C4orf36: variants seen among roughly 807,000 people sequenced by gnomAD.
C4orf36 encodes the protein chromosome 4 open reading frame 36, also known as uncharacterized protein C4orf36.
In C4orf36, 11 loss-of-function variants were observed where a neutral mutation model predicts 12.2. The observed-to-expected ratio is 0.90, with a 90% CI of 0.57 to 1.49. The LOEUF (loss-of-function observed/expected upper bound fraction) is 1.49, where lower values mean the gene tolerates loss of function less well. Ranked by LOEUF, C4orf36 falls within the 40% of genes most tolerant of loss-of-function variation. C4orf36 has a pLI of 0.00. For synonymous variants in C4orf36, 54 were observed against 51.3 expected, an observed-to-expected ratio of 1.05 and a Z score of -0.22; for missense variants, 137 against 133.9, an observed-to-expected ratio of 1.02 and a Z score of -0.11.
chr4:86,928,074 GGCAGTT>G, the C4orf36 span, among the ~76,000 whole-genome samples: 1 of 152,200 alleles, frequency 6.6e-6, no homozygotes, highest in East Asian at 1.9e-4. Flanking sequence ...TGTGACGTTA[GGCAGTT>G]GCTCAATCTT....
chr4:86,882,017 T>C (rs1747065044), intron 4 of C4orf36, among the ~76,000 whole-genome samples: 1 of 152,230 alleles, frequency 6.6e-6, no homozygotes, highest in African/African-American at 2.4e-5. Flanking sequence ...TGAGTGCCTA[T>C]ATGAGTTATG....
At chr4:86,895,546 T>G (rs1937960649), upstream of C4orf36, among the ~76,000 whole-genome samples, 1 of 152,228 alleles carries the variant, frequency 6.6e-6, no homozygotes, top group Admixed American at 6.5e-5. Flanking sequence ...CCAGGACGAC[T>G]TAAGATCCTT....
intron 4 of C4orf36, among the ~76,000 whole-genome samples, chr4:86,885,338 T>A (rs1330595499): frequency 6.6e-6 from 1 of 152,168 alleles, no homozygotes; most frequent in African/African-American, 2.4e-5. Flanking sequence ...GAGCATGGAA[T>A]GTTCTTCCAT....
At position 86,891,583 on chromosome 4, in the gene C4orf36, G is replaced by C. The variant is rs901293910; in HGVS notation, c.-63C>G. The C allele has an allele frequency of 5.0e-6, 8 of 1,609,160 alleles. No individual in the cohort carries two copies. In the African/African-American group the frequency reaches 9.4e-5, roughly 19 times the overall value. On this transcript the variant is annotated 5_prime_UTR_variant, in exon 2 of 5. Transcript: ENST00000295898. ...CTGATGGAATGTCACAGATAACTCT[G>C]TTCACTTTACCTGAAATGATGGCAA...
the C4orf36 span, among the ~76,000 whole-genome samples, chr4:86,906,499 A>T: frequency 6.6e-6 from 1 of 152,084 alleles, no homozygotes; most frequent in Admixed American, 6.6e-5. Flanking sequence ...AGGCCAAGGC[A>T]GGCAGATTGC....
the C4orf36 span, among the ~76,000 whole-genome samples, chr4:86,903,653 GAAGACAACCC>G: frequency 6.6e-6 from 1 of 152,112 alleles, no homozygotes; most frequent in Non-Finnish European, 1.5e-5. Context: ...CCATACCATC[GAAGACAACCC>G]AAGCAAGTTG....
chr4:86,884,272 G>T (rs1405462974), intron 4 of C4orf36, among the ~76,000 whole-genome samples: 4 of 146,456 alleles, frequency 2.7e-5, no homozygotes, highest in African/African-American at 1.0e-4. Flanking sequence ...TAGAAAATAA[G>T]AAATTAGGCA....
At chr4:86,924,437 G>A in the C4orf36 span, among the ~76,000 whole-genome samples, 1 of 152,202 alleles carries the variant, frequency 6.6e-6, no homozygotes, top group Non-Finnish European at 1.5e-5. Context: ...CTATCCTCAA[G>A]TGATCCACCC....
intron 4 of C4orf36, among the ~76,000 whole-genome samples, chr4:86,877,746 C>T (rs941084773): frequency 2.0e-5 from 3 of 152,146 alleles, no homozygotes; most frequent in African/African-American, 4.8e-5. Flanking sequence ...CAGCAACCAC[C>T]AGACACAACT....
chr4:86,878,787 G>A (rs11935015), intron 4 of C4orf36, among the ~76,000 whole-genome samples: 139,135 of 152,186 alleles, frequency 0.91, 64,609 homozygotes, highest in Non-Finnish European at 1. Context: ...AAGTTGGGGG[G>A]CCACTGGGAA....
upstream of C4orf36, among the ~76,000 whole-genome samples, chr4:86,894,351 T>C (rs769602853): frequency 8.5e-5 from 13 of 152,202 alleles, no homozygotes; most frequent in Non-Finnish European, 1.6e-4. Flanking sequence ...GTGTGTGTGC[T>C]CAGGCTCAAT....
chr4:86,924,041 C>T, the C4orf36 span, among the ~76,000 whole-genome samples: 44 of 151,768 alleles, frequency 2.9e-4, no homozygotes, highest in African/African-American at 9.0e-4. Flanking sequence ...ATATTGCTCC[C>T]TCTCTCTTTT....
chr4:86,919,119 G>GGAGA, the C4orf36 span, among the ~76,000 whole-genome samples: 2,406 of 145,306 alleles, frequency 0.017, 44 homozygotes, highest in African/African-American at 0.042. Flanking sequence ...CCCAGCTCCA[G>GGAGA]GAGAGAGAGA....
At chr4:86,897,344 G>A (rs1244367123), upstream of C4orf36, among the ~76,000 whole-genome samples, 1 of 152,134 alleles carries the variant, frequency 6.6e-6, no homozygotes, top group Non-Finnish European at 1.5e-5. Flanking sequence ...CTGGGTGAAT[G>A]AGTGAGACTC....
In C4orf36 at chr4:86,876,436, G is replaced by T. The variant is rs892915542; in HGVS notation, c.*10C>A. The T allele has an allele frequency of 2.5e-6, 4 of 1,613,400 alleles. No individual in the cohort carries two copies. The African/African-American group carries it at 4.0e-5, about 16-fold the overall frequency. ...CTGAGTTTCTTCATCTACAATCCGC[G>T]CTTCAGGCTGCGCAAAGGAGAGGGG... On this transcript the variant is annotated 3_prime_UTR_variant, in exon 5 of 5. Coordinates refer to ENST00000295898, the MANE Select transcript of C4orf36 (RefSeq NM_144645.4).
chr4:86,931,628 G>A, the C4orf36 span, among the ~76,000 whole-genome samples: 1 of 152,080 alleles, frequency 6.6e-6, no homozygotes, highest in African/African-American at 2.4e-5. Flanking sequence ...TGAAGTCCTG[G>A]GCTCAAGTGA....
chr4:86,887,868 T>G lies in C4orf36; in HGVS notation c.246A>C (p.Glu82Asp). 1 of 1,614,140 alleles carries G rather than the reference T, an allele frequency of 6.2e-7. No individual in the cohort carries two copies. Among genetic ancestry groups the G allele is most frequent in the Non-Finnish European group, 8.5e-7 (1 of 1,180,018 alleles). The change falls in exon 4 of 5, where the codon GAA becomes GAC. Residue 82 changes from glutamate (E) to aspartate (D), a missense_variant. Transcript: ENST00000295898. The part of the protein sequence containing the change: ...AESIKLEREY[E>D]VKRLCKLKCQ... ...ACTTCAGTTTACAAAGACGCTTCAC[T>G]TCATACTCCCTTTCGAGTTTGATAG...
the C4orf36 span, among the ~76,000 whole-genome samples, chr4:86,905,717 T>TC: frequency 6.6e-6 from 1 of 150,670 alleles, no homozygotes; most frequent in African/African-American, 2.5e-5. Context: ...GTCCTTTTTT[T>TC]TTTTTTTTCT....
chr4:86,876,259 T>A lies in C4orf36; in HGVS notation c.*187A>T, dbSNP rs1428195798. 4 of 623,600 alleles carry A rather than the reference T, an allele frequency of 6.4e-6. No individual in the cohort carries two copies. Among genetic ancestry groups the A allele is most frequent in the Middle Eastern group, 4.7e-4 (1 of 2,150 alleles). The allele number at this position is 623,600 out of a possible 1,614,324, so 38.6% of individuals were successfully genotyped here. On this transcript the variant is annotated 3_prime_UTR_variant, in exon 5 of 5. Transcript: ENST00000295898. ...GTTTAAAAAGAGAAACAAACTGAGT[T>A]CCACTGAAATTAAGAGATTTTCTCG...
Sources: gnomAD v4.1 joint callset for allele counts (sites outside exome capture counted in the v4.1 genomes callset) on GRCh38, gnomAD v4.1.1 for gene constraint, MANE v1.5 for transcripts, NCBI Gene and HGNC (gene_info 2026-07-23, HGNC 2026-07-21) for gene names.